The following SRD5A2 variants were observed in gnomAD, a reference collection of about 807,000 sequenced individuals.
SRD5A2 encodes the protein steroid 5 alpha-reductase 2.
A neutral mutation model predicts 27.4 loss-of-function variants in SRD5A2; 30 were observed. The ratio of observed to expected loss-of-function variants is 1.10; its 90% CI spans 0.82 to 1.49. The LOEUF is 1.49. Ranked by LOEUF, SRD5A2 falls within the 40% of genes most tolerant of loss-of-function variation. The pLI is 0.00. For synonymous variants in SRD5A2, 141 were observed against 133.6 expected, an observed-to-expected ratio of 1.06 and a Z score of -0.38; for missense variants, 348 against 323.4, an observed-to-expected ratio of 1.08 and a Z score of -0.58.
intron 1 of SRD5A2, among the ~76,000 whole-genome samples, chr2:31,558,348 A>T (rs1666544081): frequency 6.6e-6 from 1 of 152,242 alleles, no homozygotes; most frequent in Non-Finnish European, 1.5e-5. Context: ...GGATAGCTTA[A>T]AACAATAGAA....
At chr2:31,568,136 G>C (rs1666773761) in intron 1 of SRD5A2, among the ~76,000 whole-genome samples, 2 of 152,188 alleles carry the variant, frequency 1.3e-5, no homozygotes, top group South Asian at 4.1e-4. Context: ...GTGCCTGGAA[G>C]CTTGGAGATG....
In SRD5A2 at chr2:31,529,461, C is replaced by A; in HGVS notation, c.548-4G>T. On this transcript the variant is annotated splice_polypyrimidine_tract_variant and splice_region_variant and intron_variant, in intron 3 of 4. Transcript: ENST00000622030. The stretch of plus-strand genomic sequence containing the variant: ...GAAACATACGTAAACAAGCCACCTG[C>A]GTGCAGAAGAATCGGAAGGTCAATC... The A allele has an allele frequency of 6.2e-7, 1 of 1,611,188 alleles. No homozygotes were observed. Among genetic ancestry groups the A allele is most frequent in the Non-Finnish European group, 8.5e-7 (1 of 1,178,324 alleles).
chr2:31,632,516 G>T, the SRD5A2 span, among the ~76,000 whole-genome samples: 1 of 152,148 alleles, frequency 6.6e-6, no homozygotes, highest in African/African-American at 2.4e-5. Context: ...AGGGTGCCCG[G>T]GGCAAGTGCC....
the SRD5A2 span, among the ~76,000 whole-genome samples, chr2:31,594,068 C>T: frequency 2.6e-5 from 4 of 152,138 alleles, no homozygotes; most frequent in African/African-American, 9.7e-5. Flanking sequence ...GAAACAAAAA[C>T]TCAAAATACA....
At position 31,562,410 on chromosome 2, in the gene SRD5A2, T is replaced by C. The variant is rs1013383335; in HGVS notation, c.281+18210A>G. Among the ~76,000 whole-genome samples, 3 of 152,292 alleles carry C rather than the reference T, an allele frequency of 2.0e-5. 1 individual carries two copies. The East Asian group carries it at 5.8e-4, about 29-fold the overall frequency. On this transcript the variant is annotated intron_variant, in intron 1 of 4. Transcript: ENST00000622030. The stretch of plus-strand genomic sequence containing the variant: ...CAATCCAATTATACTATTTTAGTTA[T>C]CTTTAAATGAGTAATAAATTATTAT...
the SRD5A2 span, among the ~76,000 whole-genome samples, chr2:31,623,976 T>C: frequency 6.6e-6 from 1 of 152,174 alleles, no homozygotes; most frequent in African/African-American, 2.4e-5. Context: ...TTGGATAAGC[T>C]TCATGATGTG....
the SRD5A2 span, among the ~76,000 whole-genome samples, chr2:31,653,910 C>T: frequency 2.4e-4 from 36 of 152,276 alleles, no homozygotes; most frequent in Non-Finnish European, 3.8e-4. Context: ...CTGCCCGCCT[C>T]GGCCTCCCAG....
intron 1 of SRD5A2, among the ~76,000 whole-genome samples, chr2:31,543,861 T>G (rs986158900): frequency 1.3e-5 from 2 of 152,052 alleles, no homozygotes; most frequent in Non-Finnish European, 2.9e-5. Context: ...ATAGCATACA[T>G]GAAAATGTAT....
chr2:31,603,675 A>T, the SRD5A2 span, among the ~76,000 whole-genome samples: 1 of 152,074 alleles, frequency 6.6e-6, no homozygotes, highest in African/African-American at 2.4e-5. Flanking sequence ...TGGATAAAGA[A>T]AATGTGGTAC....
chr2:31,536,302 A>C (rs1020722969), intron 1 of SRD5A2, among the ~76,000 whole-genome samples: 5 of 152,260 alleles, frequency 3.3e-5, no homozygotes, highest in Admixed American at 1.3e-4. Context: ...AGATCAACAT[A>C]ATAAAAGCTC....
Position 31,575,687 on chromosome 2 carries a change from C to G in SRD5A2, c.281+4933G>C, listed in dbSNP as rs143948830. 3.3e-5 allele frequency among the ~76,000 whole-genome samples: 5 copies of G among 152,250 alleles called. No homozygotes were observed. The East Asian group carries it at 5.8e-4, about 18-fold the overall frequency. ...ATCTAAACCTCAAGGAATATCTCTCCGAATTCAAACAGACTCTAATGTGTG... is the reference window on the plus strand; with the variant it reads ...ATCTAAACCTCAAGGAATATCTCTCGGAATTCAAACAGACTCTAATGTGTG... On this transcript the variant is annotated intron_variant, in intron 1 of 4. Transcript: ENST00000622030.
chr2:31,600,661 T>A, the SRD5A2 span, among the ~76,000 whole-genome samples: 2 of 151,822 alleles, frequency 1.3e-5, no homozygotes, highest in Admixed American at 6.6e-5. Context: ...CCAGTCCTAC[T>A]CAAATAGTTC....
chr2:31,550,687 T>G (rs1233696917), intron 1 of SRD5A2, among the ~76,000 whole-genome samples: 1 of 151,944 alleles, frequency 6.6e-6, no homozygotes, highest in Non-Finnish European at 1.5e-5. Context: ...ATTCAATTTC[T>G]ATTAATGATA....
the SRD5A2 span, among the ~76,000 whole-genome samples, chr2:31,637,485 T>C: frequency 6.6e-6 from 1 of 152,118 alleles, no homozygotes; most frequent in African/African-American, 2.4e-5. Flanking sequence ...GGCAACAACC[T>C]GGAAGTCAAT....
chr2:31,630,503 G>T, the SRD5A2 span, among the ~76,000 whole-genome samples: 1 of 152,116 alleles, frequency 6.6e-6, no homozygotes, highest in Non-Finnish European at 1.5e-5. Context: ...GTAAACAAGG[G>T]CATAGCCTGA....
intron 2 of SRD5A2, among the ~76,000 whole-genome samples, chr2:31,532,976 C>T (rs576093978): frequency 6.6e-6 from 1 of 152,194 alleles, no homozygotes; most frequent in Admixed American, 6.5e-5. Flanking sequence ...TTGTCCAACC[C>T]ACAGCCTGTG....
chr2:31,638,164 C>A, the SRD5A2 span, among the ~76,000 whole-genome samples: 1 of 151,838 alleles, frequency 6.6e-6, no homozygotes, highest in South Asian at 2.1e-4. Context: ...TTTAAATTTT[C>A]TTCTCAATTT....
At chr2:31,556,541 CAGG>C (rs1345157352) in intron 1 of SRD5A2, among the ~76,000 whole-genome samples, 3 of 152,016 alleles carry the variant, frequency 2.0e-5, no homozygotes, top group African/African-American at 7.3e-5. Flanking sequence ...CAAGAAATAC[CAGG>C]AGAAGAAAGA....
chr2:31,611,923 G>A, the SRD5A2 span, among the ~76,000 whole-genome samples: 2 of 152,012 alleles, frequency 1.3e-5, no homozygotes, highest in African/African-American at 4.8e-5. Flanking sequence ...CTGAATATAG[G>A]AGAATAGAAA....
Sources: allele counts gnomAD v4.1 joint callset (sites outside exome capture counted in the v4.1 genomes callset), GRCh38; gene constraint gnomAD v4.1.1; transcripts MANE v1.5; gene names NCBI Gene and HGNC (gene_info 2026-07-23, HGNC 2026-07-21).